The following MED26 variants were observed in gnomAD, a reference collection of about 807,000 sequenced individuals.
MED26 encodes the protein mediator complex subunit 26, also known as mediator of RNA polymerase II transcription subunit 26.
A neutral mutation model predicts 43.7 loss-of-function variants in MED26; 7 were observed. The observed-to-expected ratio is 0.16, with a 90% confidence interval of 0.09 to 0.30. The LOEUF (loss-of-function observed/expected upper bound fraction) is 0.30. Among genes scored for constraint, MED26 ranks in the 10% least tolerant of loss-of-function variants. The probability of loss-of-function intolerance (pLI) is 1.00; values close to 1 mark genes in which losing one functional copy is unlikely to be tolerated. For synonymous variants in MED26, 375 were observed against 371.1 expected, an observed-to-expected ratio of 1.01 and a Z score of -0.12; for missense variants, 784 against 840.6, an observed-to-expected ratio of 0.93 and a Z score of 0.83.
In MED26 at chr19:16,577,198, C is replaced by A. The variant is rs200056042; in HGVS notation, c.632G>T (p.Arg211Leu). Residue 211 changes from arginine to leucine, a missense_variant, in exon 3 of 3, where the codon CGT becomes CTT. By Grantham distance (102) the Arg-to-Leu change is moderately radical (BLOSUM62 -2). Around this residue, in one of 3 missense-constraint regions of MED26, gnomAD observed 719 missense variants for 730.9 expected, o/e 0.98. Transcript: ENST00000263390. The surrounding 1 kb of genome is among the most constrained non-coding windows in gnomAD (Gnocchi z 8.1). ...HAGPEGSRLE[R>L]DENDKHSGKI... ...GCCACTGTGCTTGTCATTCTCGTCA[C>A]GCTCCAGGCGGCTGCCCTCTGGGCC... The A allele has an allele frequency of 5.6e-6, 9 of 1,613,284 alleles. No individual in the cohort carries two copies. Among genetic ancestry groups the A allele is most frequent in the Admixed American group, 5.0e-5 (3 of 60,028 alleles).
intron 1 of MED26, among the ~76,000 whole-genome samples, chr19:16,607,791 A>G (rs1386777331): frequency 6.6e-6 from 1 of 152,200 alleles, no homozygotes; most frequent in Non-Finnish European, 1.5e-5. Context: ...AGCCCAAGAC[A>G]ATCCTTCTTC....
intron 1 of MED26, among the ~76,000 whole-genome samples, chr19:16,590,950 G>T (rs2086094086): frequency 6.6e-6 from 1 of 151,988 alleles, no homozygotes; most frequent in Non-Finnish European, 1.5e-5. Context: ...TGACGCATGA[G>T]AATCACTTGA....
At chr19:16,582,297 A>AT (rs34054966) in intron 1 of MED26, among the ~76,000 whole-genome samples, 13,709 of 152,274 alleles carry the variant, frequency 0.09, 712 homozygotes, top group African/African-American at 0.12. Flanking sequence ...CCACCTGGGC[A>AT]TCCAGACACA....
chr19:16,609,579 G>C (rs1287806281), intron 1 of MED26, among the ~76,000 whole-genome samples: 5 of 151,454 alleles, frequency 3.3e-5, no homozygotes, highest in Admixed American at 2.0e-4. Context: ...TCTTTTTCCT[G>C]AGAGCTGGTT....
At chr19:16,622,031 G>A (rs149882909) in intron 1 of MED26, among the ~76,000 whole-genome samples, 6 of 152,248 alleles carry the variant, frequency 3.9e-5, no homozygotes, top group Non-Finnish European at 5.9e-5. Context: ...ATAATTTGCC[G>A]ACTGTTCCTT....
At chr19:16,612,678 A>T (rs533887154) in intron 1 of MED26, among the ~76,000 whole-genome samples, 1 of 152,328 alleles carries the variant, frequency 6.6e-6, no homozygotes, top group South Asian at 2.1e-4. Flanking sequence ...TTGTATTTTG[A>T]TCATCCCCAC....
intron 1 of MED26, among the ~76,000 whole-genome samples, chr19:16,604,526 T>C (rs868470717): frequency 1.1e-4 from 17 of 152,326 alleles, no homozygotes; most frequent in Middle Eastern, 3.4e-3. Flanking sequence ...GGGCCATGCC[T>C]GGATGTGCAG....
At chr19:16,618,090 G>C (rs1433408064) in intron 1 of MED26, among the ~76,000 whole-genome samples, 1 of 152,190 alleles carries the variant, frequency 6.6e-6, no homozygotes, top group Non-Finnish European at 1.5e-5. Context: ...ACAGGTACGA[G>C]TTTCCGGTTA....
chr19:16,626,515 G>A (rs1369635269), intron 1 of MED26, among the ~76,000 whole-genome samples: 1 of 152,106 alleles, frequency 6.6e-6, no homozygotes, highest in Non-Finnish European at 1.5e-5. Flanking sequence ...CTGAATACCA[G>A]GGATAAGAGA....
chr19:16,601,836 C>T (rs1322053963), intron 1 of MED26, among the ~76,000 whole-genome samples: 1 of 152,358 alleles, frequency 6.6e-6, no homozygotes, highest in South Asian at 2.1e-4. Context: ...CAGGGTCAGA[C>T]TGTCGTTTTA....
At chr19:16,589,526 A>G (rs2086086591) in intron 1 of MED26, 1 of 152,016 alleles carries the variant, frequency 6.6e-6, no homozygotes, top group Non-Finnish European at 1.5e-5. Context: ...ACAAAAAAAC[A>G]CATTTTTTTT....
intron 1 of MED26, among the ~76,000 whole-genome samples, chr19:16,601,758 A>T (rs1258076424): frequency 6.6e-6 from 1 of 152,264 alleles, no homozygotes; most frequent in Non-Finnish European, 1.5e-5. Context: ...CAGCATGCGC[A>T]GAGTGCCAGA....
At chr19:16,611,986 T>C (rs1191538894) in intron 1 of MED26, 1 of 151,992 alleles carries the variant, frequency 6.6e-6, no homozygotes, top group Admixed American at 6.5e-5. Context: ...AGAGTAAAAT[T>C]ACTGGGTCAC....
At chr19:16,598,062 C>CAGTG (rs1436053264) in intron 1 of MED26, among the ~76,000 whole-genome samples, 2 of 151,712 alleles carry the variant, frequency 1.3e-5, no homozygotes, top group Non-Finnish European at 2.9e-5. Flanking sequence ...TGGCCAGGTG[C>CAGTG]AGTGGCTCAC....
Position 16,578,344 on chromosome 19 carries a change from C to T in MED26, c.138G>A (p.Glu46=), listed in dbSNP as rs774392636. 12 of 1,614,006 alleles carry T rather than the reference C, an allele frequency of 7.4e-6. No homozygotes were observed. In the African/African-American group the frequency reaches 9.3e-5, roughly 13 times the overall value. ...SSLEKYPITK[E]ALEETRLGKL... ...GGTCTGGGATACTCACCTCAAGTGC[C>T]TCTTTGGTAATAGGGTATTTCTCCA... The change falls in exon 2 of 3, where the codon GAG becomes GAA. Residue 46 remains glutamate, a synonymous_variant. Transcript: ENST00000263390.
chr19:16,621,411 A>G (rs886952211), intron 1 of MED26, among the ~76,000 whole-genome samples: 1 of 152,248 alleles, frequency 6.6e-6, no homozygotes, highest in Non-Finnish European at 1.5e-5. Flanking sequence ...CTGCTGGCAC[A>G]CAGGAGACCG....
chr19:16,577,928 C>G lies in MED26; in HGVS notation c.148-246G>C. The G allele has an allele frequency of 6.3e-6, 3 of 476,540 alleles. No homozygotes were observed. The highest frequency in any genetic ancestry group is 1.1e-5 in the Non-Finnish European group (3 of 270,476). 29.5% of individuals were successfully genotyped at this position (476,540 alleles called of 1,614,324 possible). The stretch of plus-strand genomic sequence containing the variant: ...TCTCAGCAGTGCTGTCACCCAGGCT[C>G]CTGGTGTCAGGGGGCTGTGGACCAT... On this transcript the variant is annotated intron_variant, in intron 2 of 2. Transcript: ENST00000263390. This position sits in a 1 kb window ranked among gnomAD's most constrained non-coding sequence, Gnocchi z 8.1.
chr19:16,619,672 C>A (rs1267016531), intron 1 of MED26, among the ~76,000 whole-genome samples: 1 of 152,024 alleles, frequency 6.6e-6, no homozygotes, highest in Non-Finnish European at 1.5e-5. Context: ...ATGGGTCACA[C>A]CCACCTGAGT....
chr19:16,622,309 C>G (rs1348063541), intron 1 of MED26, among the ~76,000 whole-genome samples: 1 of 152,194 alleles, frequency 6.6e-6, no homozygotes, highest in African/African-American at 2.4e-5. Flanking sequence ...TCTATCTGCC[C>G]TCCTCCCTAT....
Sources: allele counts gnomAD v4.1 joint callset (sites outside exome capture counted in the v4.1 genomes callset), GRCh38; gene constraint gnomAD v4.1.1; regional missense constraint gnomAD v4.1.1; non-coding constraint Gnocchi (gnomAD v3.1); transcripts MANE v1.5; gene names NCBI Gene and HGNC (gene_info 2026-07-23, HGNC 2026-07-21).